Variants in PUS10 observed in about 807,000 individuals in gnomAD.
PUS10 encodes pseudouridine synthase 10.
A neutral mutation model predicts 75.0 loss-of-function variants in PUS10; 59 were observed. The ratio of observed to expected loss-of-function variants is 0.79; its 90% CI spans 0.64 to 0.98. The LOEUF (loss-of-function observed/expected upper bound fraction) is 0.98, where lower values mean the gene tolerates loss of function less well. Among genes scored for constraint, PUS10 ranks in the 50% least tolerant of loss-of-function variants. PUS10 has a pLI of 0.00. For synonymous variants in PUS10, 219 were observed against 211.6 expected, an observed-to-expected ratio of 1.03 and a Z score of -0.30; for missense variants, 650 against 614.4, an observed-to-expected ratio of 1.06 and a Z score of -0.61.
In PUS10 at chr2:60,941,580, A is replaced by G. The variant is rs1674628246; in HGVS notation, c.*815T>C. ...TGTTTATAATTGGATAATATATTGA[A>G]GCATTCTGAAATAATACCAGTTCGT... On this transcript the variant is annotated 3_prime_UTR_variant, in exon 18 of 18. Transcript: ENST00000316752. 1 of 152,318 alleles carries G rather than the reference A, an allele frequency of 6.6e-6. No homozygotes were observed. 9.4% of individuals were successfully genotyped at this position (152,318 alleles called of 1,614,324 possible). A position where few individuals can be genotyped will look rare whatever the true frequency, so the allele number is the denominator to read the frequency against.
At chr2:60,973,179 C>T (rs555972260) in intron 4 of PUS10, among the ~76,000 whole-genome samples, 1 of 152,232 alleles carries the variant, frequency 6.6e-6, no homozygotes, top group East Asian at 1.9e-4. Context: ...CACAAGCACC[C>T]GGCCAAAGGC....
Position 60,945,114 on chromosome 2 carries a change from G to A in PUS10, c.1452-6C>T. The A allele has an allele frequency of 6.2e-7, 1 of 1,602,304 alleles. No homozygotes were observed. Among genetic ancestry groups the A allele is most frequent in the Non-Finnish European group, 8.6e-7 (1 of 1,169,330 alleles). On this transcript the variant is annotated splice_region_variant and splice_polypyrimidine_tract_variant and intron_variant, in intron 16 of 17. Coordinates refer to ENST00000316752, the MANE Select transcript of PUS10 (RefSeq NM_144709.4). ...GTACAAACTCTTTAATGTAGCTGGG[G>A]TTTGTTTAAGGAAAAAATGAAGACA...
intron 12 of PUS10, 93 bp downstream of exon 12, chr2:60,954,925 G>T: frequency 2.4e-6 from 2 of 819,556 alleles, no homozygotes; most frequent in Non-Finnish European, 3.7e-6. Flanking sequence ...TGCTCACTTT[G>T]TTTTTCACTG....
At chr2:60,969,444 C>T (rs1573429473) in intron 5 of PUS10, among the ~76,000 whole-genome samples, 2 of 152,180 alleles carry the variant, frequency 1.3e-5, no homozygotes, top group South Asian at 4.1e-4. Flanking sequence ...GGGACTAGTA[C>T]TCATTAAAGT....
chr2:60,980,263 C>T (rs1677299208), intron 4 of PUS10, among the ~76,000 whole-genome samples: 1 of 152,182 alleles, frequency 6.6e-6, no homozygotes, highest in Non-Finnish European at 1.5e-5. Context: ...CTGTTGGCAG[C>T]CGGGTGTGGC....
At chr2:60,969,252 G>C (rs1676518895) in intron 5 of PUS10, among the ~76,000 whole-genome samples, 1 of 152,126 alleles carries the variant, frequency 6.6e-6, no homozygotes, top group East Asian at 1.9e-4. Flanking sequence ...CCAGATTATA[G>C]AGCCAGAGGA....
intron 4 of PUS10, among the ~76,000 whole-genome samples, chr2:60,973,496 C>A (rs1032181701): frequency 3.9e-5 from 6 of 152,392 alleles, no homozygotes; most frequent in African/African-American, 1.4e-4. Flanking sequence ...CAGGTGTGTG[C>A]ACACTCATGG....
At chr2:60,949,556 G>A (rs943629659) in intron 15 of PUS10, among the ~76,000 whole-genome samples, 6 of 151,816 alleles carry the variant, frequency 4.0e-5, no homozygotes, top group African/African-American at 7.2e-5. Flanking sequence ...ACACACATAC[G>A]CTTGTTTTTG....
chr2:60,970,997 T>C (rs1253154452), intron 5 of PUS10, among the ~76,000 whole-genome samples: 1 of 151,996 alleles, frequency 6.6e-6, no homozygotes, highest in East Asian at 1.9e-4. Context: ...CTGGACAACA[T>C]GGTGAAACCC....
At chr2:60,961,726 G>C (rs1376111913) in intron 9 of PUS10, among the ~76,000 whole-genome samples, 178 bp from the exon 10 acceptor site, 1 of 152,204 alleles carries the variant, frequency 6.6e-6, no homozygotes, top group African/African-American at 2.4e-5. Flanking sequence ...TATGAGAGTG[G>C]CACTAAGTAA....
In PUS10 at chr2:60,953,068, T is replaced by A; in HGVS notation, c.1237A>T (p.Thr413Ser). 1 of 1,609,726 alleles carries A rather than the reference T, an allele frequency of 6.2e-7. No individual in the cohort carries two copies. Among genetic ancestry groups the A allele is most frequent in the South Asian group, 1.1e-5 (1 of 90,946 alleles). ...TTTGTCCAAATTAAGGCACTGTAGG[T>A]CTTTGTCTTTTCTTCTTCACCTTCT... ...MKEGEEEKTK[T>S]YSALIWTNKA... is the part of the protein sequence containing the mutation. The change falls in exon 15 of 18, where the codon ACC (threonine) becomes TCC (serine). Residue 413 changes from threonine (T) to serine (S), a missense_variant. Transcript: ENST00000316752.
intron 4 of PUS10, among the ~76,000 whole-genome samples, chr2:60,991,652 C>T (rs1678085657): frequency 6.6e-6 from 1 of 151,792 alleles, no homozygotes; most frequent in South Asian, 2.1e-4. Flanking sequence ...AATGGGAGTA[C>T]CAATTTAATT....
At chr2:60,967,245 T>G (rs1285921574) in intron 6 of PUS10, 1 of 312,444 alleles carries the variant, frequency 3.2e-6, no homozygotes, top group Non-Finnish European at 5.8e-6. Context: ...GATTCATTTC[T>G]AACCTTTTAA....
intron 4 of PUS10, among the ~76,000 whole-genome samples, chr2:60,992,929 C>T (rs891147785): frequency 2.6e-5 from 4 of 152,184 alleles, no homozygotes; most frequent in Non-Finnish European, 5.9e-5. Flanking sequence ...TTAATGAATA[C>T]GATATATGGC....
rs564528921 is a variant in PUS10, at chr2:61,017,791, C to T, written c.-16+217G>A. ...TCCCAGCCGCCACCTCCCCCCAAAC[C>T]CTGGGAGACCCGCCGAATTCCGGGA... On this transcript the variant is annotated intron_variant, in intron 1 of 17. Transcript: ENST00000316752. 3.1e-4 allele frequency: 477 copies of T among 1,550,310 alleles called. No homozygotes were observed. The highest frequency in any genetic ancestry group is 4.0e-4 in the Non-Finnish European group (454 of 1,146,896).
chr2:61,015,679 A>G (rs375814129), intron 1 of PUS10, among the ~76,000 whole-genome samples: 1 of 152,204 alleles, frequency 6.6e-6, no homozygotes, highest in Non-Finnish European at 1.5e-5. Context: ...AGTCTGGGCA[A>G]CAGAGCGAGA....
intron 4 of PUS10, among the ~76,000 whole-genome samples, chr2:60,998,568 A>G (rs1327583753): frequency 6.6e-6 from 1 of 152,098 alleles, no homozygotes; most frequent in Non-Finnish European, 1.5e-5. Flanking sequence ...ATGCACCTGT[A>G]GTCCCAGCTA....
intron 4 of PUS10, among the ~76,000 whole-genome samples, chr2:61,002,753 T>C (rs1215512825): frequency 6.6e-6 from 1 of 152,210 alleles, no homozygotes; most frequent in East Asian, 1.9e-4. Flanking sequence ...ACCCAGAAAC[T>C]CACCATGACA....
At chr2:60,956,436 G>T (rs757469061) in intron 11 of PUS10, among the ~76,000 whole-genome samples, 1 of 152,210 alleles carries the variant, frequency 6.6e-6, no homozygotes, top group East Asian at 1.9e-4. Flanking sequence ...AAAACAGGGT[G>T]TCCACAGTGA....
Sources: gnomAD v4.1 joint callset for allele counts (sites outside exome capture counted in the v4.1 genomes callset) on GRCh38, gnomAD v4.1.1 for gene constraint, MANE v1.5 for transcripts, NCBI Gene and HGNC (gene_info 2026-07-23, HGNC 2026-07-21) for gene names.